ABTB3: variants seen among roughly 807,000 people sequenced by gnomAD.
ABTB3 encodes the protein ankyrin repeat- and BTB/POZ domain-containing protein 3.
the ABTB3 span, among the ~76,000 whole-genome samples, chr12:107,469,906 C>CTTTCTT: frequency 9.4e-6 from 1 of 106,314 alleles, no homozygotes; most frequent in African/African-American, 4.3e-5. Context: ...TTCTTTCTTT[C>CTTTCTT]TTTCTTTCTT....
chr12:107,504,387 A>G, the ABTB3 span, among the ~76,000 whole-genome samples: 6 of 152,148 alleles, frequency 3.9e-5, no homozygotes, highest in Non-Finnish European at 8.8e-5. Context: ...GTAAACACAC[A>G]CACACACACA....
chr12:107,623,760 G>A, the ABTB3 span, among the ~76,000 whole-genome samples: 1 of 152,138 alleles, frequency 6.6e-6, no homozygotes, highest in African/African-American at 2.4e-5. Context: ...GTGGTGATGG[G>A]ACAGACATGT....
chr12:107,457,253 G>A, the ABTB3 span, among the ~76,000 whole-genome samples: 1 of 152,186 alleles, frequency 6.6e-6, no homozygotes, highest in South Asian at 2.1e-4. Flanking sequence ...GGTCTGACAA[G>A]CTCATCTTTG....
chr12:107,412,799 C>G, the ABTB3 span, among the ~76,000 whole-genome samples: 3 of 151,976 alleles, frequency 2.0e-5, no homozygotes, highest in Non-Finnish European at 4.4e-5. Flanking sequence ...CCCCTCCACC[C>G]TACCCATCTA....
chr12:107,542,381 G>A, the ABTB3 span, among the ~76,000 whole-genome samples: 5 of 151,722 alleles, frequency 3.3e-5, no homozygotes, highest in African/African-American at 1.2e-4. Context: ...ACATATTCTG[G>A]TGTGCATGAG....
chr12:107,624,963 A>T, the ABTB3 span, among the ~76,000 whole-genome samples: 5 of 152,208 alleles, frequency 3.3e-5, no homozygotes, highest in African/African-American at 1.2e-4. Flanking sequence ...AAGACTGAGT[A>T]ATTCAGTTGC....
At chr12:107,643,752 CT>C in the ABTB3 span, among the ~76,000 whole-genome samples, 1,887 of 111,354 alleles carry the variant, frequency 0.017, 10 homozygotes, top group Non-Finnish European at 0.021. Flanking sequence ...ATTGTTATTC[CT>C]TTTTTTTTTT....
the ABTB3 span, among the ~76,000 whole-genome samples, chr12:107,508,089 T>TGGAC: frequency 6.6e-6 from 1 of 151,788 alleles, no homozygotes; most frequent in African/African-American, 2.4e-5. Context: ...GATGGATGGA[T>TGGAC]GGATGGATGG....
chr12:107,474,126 T>C, the ABTB3 span, among the ~76,000 whole-genome samples: 1 of 152,240 alleles, frequency 6.6e-6, no homozygotes, highest in Non-Finnish European at 1.5e-5. Context: ...TGTGCTGCTG[T>C]GTACATCCTA....
At chr12:107,550,633 T>A in the ABTB3 span, among the ~76,000 whole-genome samples, 1 of 149,728 alleles carries the variant, frequency 6.7e-6, no homozygotes, top group Non-Finnish European at 1.5e-5. Context: ...CAGGTTGGAG[T>A]GCAGTGGCGT....
the ABTB3 span, among the ~76,000 whole-genome samples, chr12:107,393,884 C>T: frequency 4.6e-5 from 7 of 151,942 alleles, no homozygotes; most frequent in Non-Finnish European, 7.4e-5. Flanking sequence ...GGGCCGAGAT[C>T]GCACCACTGC....
chr12:107,506,409 C>G, the ABTB3 span, among the ~76,000 whole-genome samples: 1 of 152,058 alleles, frequency 6.6e-6, no homozygotes, highest in African/African-American at 2.4e-5. Flanking sequence ...TGACACATGT[C>G]AGGCAAAGGG....
chr12:107,580,960 G>A, the ABTB3 span: 2 of 1,551,678 alleles, frequency 1.3e-6, no homozygotes, highest in East Asian at 4.9e-5. Flanking sequence ...GGTCACCGGT[G>A]CGGTCCGGAT....
chr12:107,644,712 G>A, the ABTB3 span, among the ~76,000 whole-genome samples: 1 of 152,192 alleles, frequency 6.6e-6, no homozygotes, highest in South Asian at 2.1e-4. Flanking sequence ...CAGTTAATAA[G>A]CATAGCACCC....
the ABTB3 span, among the ~76,000 whole-genome samples, chr12:107,545,934 T>A: frequency 2.0e-5 from 3 of 152,130 alleles, no homozygotes; most frequent in Non-Finnish European, 4.4e-5. Context: ...TGCAGATGAG[T>A]CCGTCTCCCC....
chr12:107,641,973 A>G, the ABTB3 span: 1 of 911,262 alleles, frequency 1.1e-6, no homozygotes, highest in Admixed American at 1.8e-5. Flanking sequence ...CCAGTGCTAT[A>G]TTTCAGATTT....
At chr12:107,463,586 G>C in the ABTB3 span, among the ~76,000 whole-genome samples, 1 of 152,226 alleles carries the variant, frequency 6.6e-6, no homozygotes, top group Admixed American at 6.5e-5. Context: ...AACAGAGCTG[G>C]GCTTTGAACT....
chr12:107,430,417 TCA>T, the ABTB3 span, among the ~76,000 whole-genome samples: 9 of 152,360 alleles, frequency 5.9e-5, no homozygotes, highest in South Asian at 1.9e-3. Context: ...GTTTGTTGTT[TCA>T]GTCTTACTCT....
chr12:107,573,294 C>T, the ABTB3 span, among the ~76,000 whole-genome samples: 1 of 152,188 alleles, frequency 6.6e-6, no homozygotes, highest in South Asian at 2.1e-4. Flanking sequence ...AAGGCTATGT[C>T]CCTGCATGCA....
Sources: allele counts gnomAD v4.1 joint callset (sites outside exome capture counted in the v4.1 genomes callset), GRCh38; gene constraint gnomAD v4.1.1; transcripts MANE v1.5; gene names NCBI Gene and HGNC (gene_info 2026-07-23, HGNC 2026-07-21).